CARMIL1: variants seen among roughly 807,000 people sequenced by gnomAD.
CARMIL1 encodes the protein capping protein regulator and myosin 1 linker 1.
In CARMIL1, 90 loss-of-function variants were observed where a neutral mutation model predicts 177.1. The observed-to-expected ratio is 0.51, with a 90% CI of 0.43 to 0.61. The LOEUF (loss-of-function observed/expected upper bound fraction) is 0.61. Among genes scored for constraint, CARMIL1 ranks in the 20% least tolerant of loss-of-function variants. CARMIL1 has a pLI of 0.00. For missense variants in CARMIL1, 1,380 were observed against 1,667.0 expected (o/e 0.83, Z 3.00); for synonymous variants, 577 against 606.2 (o/e 0.95, Z 0.71).
At chr6:25,478,568 G>A (rs563769587) in intron 11 of CARMIL1, among the ~76,000 whole-genome samples, 3 of 152,182 alleles carry the variant, frequency 2.0e-5, no homozygotes, top group Non-Finnish European at 2.9e-5. Flanking sequence ...AGGCCGAGGC[G>A]GGCAGATCAC....
rs993676534 is a variant in CARMIL1, at chr6:25,313,264, G to C, written c.138+28355G>C. Among the ~76,000 whole-genome samples, 5 of 152,142 alleles carry C rather than the reference G, an allele frequency of 3.3e-5. No individual in the cohort carries two copies. The South Asian group carries it at 1.0e-3, about 32-fold the overall frequency. On this transcript the variant is annotated intron_variant, in intron 2 of 36. Coordinates refer to ENST00000329474, the MANE Select transcript of CARMIL1 (RefSeq NM_017640.6). ...GGTGACCTGAAGTTTTGCCTAGAGG[G>C]AGAGAAGGGTCTCTTCCTCCTTTCA...
intron 2 of CARMIL1, among the ~76,000 whole-genome samples, chr6:25,316,782 G>C (rs756753406): frequency 1.3e-5 from 2 of 152,106 alleles, no homozygotes; most frequent in Non-Finnish European, 2.9e-5. Context: ...AAGAAGTTCT[G>C]TCTGTAACTG....
chr6:25,512,919 T>C (rs572657), intron 20 of CARMIL1, among the ~76,000 whole-genome samples: 66,368 of 152,008 alleles, frequency 0.44, 14,895 homozygotes, highest in Middle Eastern at 0.52. Flanking sequence ...AGATTAAGCA[T>C]GTTCAGCTAT....
intron 5 of CARMIL1, among the ~76,000 whole-genome samples, chr6:25,443,335 T>C (rs537102602): frequency 6.6e-6 from 1 of 152,358 alleles, no homozygotes; most frequent in East Asian, 1.9e-4. Context: ...TTCTGTAATA[T>C]CATTTTAATT....
At position 25,581,267 on chromosome 6, in the gene CARMIL1, C is replaced by A. The variant is rs202056331; in HGVS notation, c.2834C>A (p.Ala945Glu). The change falls in exon 31 of 37, where the codon GCG becomes GAG. Residue 945 changes from alanine to glutamate, a missense_variant. Ala to Glu is a moderately radical substitution (Grantham distance 107, BLOSUM62 -1). Transcript: ENST00000329474. The stretch of plus-strand genomic sequence containing the variant: ...GAAATGGAGTTTGATCTAGATAAAG[C>A]GCTGGAAGAGGTACCAATTCACATC... ...AFEMEFDLDK[A>E]LEEVPIHIED... The A allele has an allele frequency of 6.2e-7, 1 of 1,613,634 alleles. No individual in the cohort carries two copies. Among genetic ancestry groups the A allele is most frequent in the South Asian group, 1.1e-5 (1 of 91,042 alleles).
At chr6:25,472,557 T>C (rs1801185295) in intron 11 of CARMIL1, 36 bp downstream of exon 11, 5 of 1,477,416 alleles carry the variant, frequency 3.4e-6, no homozygotes, top group Non-Finnish European at 4.6e-6. Context: ...GATGCCAGAA[T>C]TGTAAGAGGA....
At position 25,480,791 on chromosome 6, in the gene CARMIL1, G is replaced by GC. The variant is rs1359778463; in HGVS notation, c.875-1465dup. ...TGTTACCCAGGCTGGCGCGATCTCGGCTCACTGCAATCTCCACCTCCTGAG... is the reference window on the plus strand; with the variant it reads ...TGTTACCCAGGCTGGCGCGATCTCGGCCTCACTGCAATCTCCACCTCCTGAG... On this transcript the variant is annotated intron_variant, in intron 11 of 36. Transcript: ENST00000329474. 3.5e-5 allele frequency among the ~76,000 whole-genome samples: 5 copies of GC among 144,464 alleles called. No individual in the cohort carries two copies. The Admixed American group carries it at 3.5e-4, about 10-fold the overall frequency. The allele number at this position is 144,464 out of a possible 152,430, so 94.8% of individuals were successfully genotyped here. A position where few individuals can be genotyped will look rare whatever the true frequency, so the allele number is the denominator to read the frequency against.
At chr6:25,320,623 CCT>C (rs1420938904) in intron 2 of CARMIL1, among the ~76,000 whole-genome samples, 9 of 152,134 alleles carry the variant, frequency 5.9e-5, no homozygotes, top group African/African-American at 2.2e-4. Context: ...AAAGCAGTGA[CCT>C]CTTCCTGCAG....
intron 2 of CARMIL1, among the ~76,000 whole-genome samples, chr6:25,406,887 T>C (rs1794421156): frequency 6.6e-6 from 1 of 152,092 alleles, no homozygotes; most frequent in Admixed American, 6.6e-5. Flanking sequence ...TTGGGAGTCA[T>C]CTGGGATGGA....
intron 2 of CARMIL1, among the ~76,000 whole-genome samples, chr6:25,411,261 T>C (rs1016010962): frequency 2.0e-5 from 3 of 152,160 alleles, no homozygotes; most frequent in African/African-American, 7.2e-5. Context: ...TTCTGCCACA[T>C]GTGAGTTCTT....
intron 8 of CARMIL1, among the ~76,000 whole-genome samples, chr6:25,464,428 C>T (rs1800414359): frequency 6.6e-6 from 1 of 152,106 alleles, no homozygotes; most frequent in South Asian, 2.1e-4. Context: ...AACAGTGACT[C>T]CTGGGGTTGT....
At chr6:25,487,082 C>T (rs1802735111) in intron 12 of CARMIL1, among the ~76,000 whole-genome samples, 1 of 152,168 alleles carries the variant, frequency 6.6e-6, no homozygotes, top group Admixed American at 6.5e-5. Flanking sequence ...TGTATACCCA[C>T]CCAAATGTGC....
intron 23 of CARMIL1, among the ~76,000 whole-genome samples, chr6:25,524,397 A>G (rs1370306988): frequency 6.6e-6 from 1 of 152,240 alleles, no homozygotes; most frequent in Non-Finnish European, 1.5e-5. Flanking sequence ...TTTCTAGGGA[A>G]ACCCCAAAAT....
chr6:25,586,843 A>G (rs2151272754), intron 31 of CARMIL1, among the ~76,000 whole-genome samples: 1 of 152,046 alleles, frequency 6.6e-6, no homozygotes, highest in African/African-American at 2.4e-5. Context: ...AATCCCAGGC[A>G]CTCGGCAGGC....
intron 34 of CARMIL1, 128 bp from the exon 35 acceptor site, chr6:25,605,932 TA>T: frequency 3.1e-6 from 2 of 654,768 alleles, no homozygotes; most frequent in Non-Finnish European, 2.6e-6. Context: ...AGCATATTCT[TA>T]AAATACTCTT....
At chr6:25,616,300 G>T (rs573827448) in intron 36 of CARMIL1, among the ~76,000 whole-genome samples, 1 of 152,162 alleles carries the variant, frequency 6.6e-6, no homozygotes, top group South Asian at 2.1e-4. Flanking sequence ...AGGCACAGTG[G>T]TTCACATTTG....
At chr6:25,370,989 TC>T (rs1790356092) in intron 2 of CARMIL1, among the ~76,000 whole-genome samples, 1 of 152,148 alleles carries the variant, frequency 6.6e-6, no homozygotes, top group African/African-American at 2.4e-5. Context: ...ATAGTTTAGC[TC>T]CCACTTATAA....
chr6:25,306,307 G>C (rs1783257930), intron 2 of CARMIL1, among the ~76,000 whole-genome samples: 1 of 152,150 alleles, frequency 6.6e-6, no homozygotes, highest in Admixed American at 6.6e-5. Context: ...GAGGTGAGCG[G>C]CAGGTAAGTG....
intron 5 of CARMIL1, among the ~76,000 whole-genome samples, chr6:25,443,125 A>G (rs1447325151): frequency 6.6e-6 from 1 of 152,234 alleles, no homozygotes; most frequent in African/African-American, 2.4e-5. Flanking sequence ...ATGTGATCCT[A>G]GATGAGGTCA....
Sources: gnomAD v4.1 joint callset for allele counts (sites outside exome capture counted in the v4.1 genomes callset) on GRCh38, gnomAD v4.1.1 for gene constraint, MANE v1.5 for transcripts, NCBI Gene and HGNC (gene_info 2026-07-23, HGNC 2026-07-21) for gene names.